Variants in SORCS3 observed in about 807,000 individuals in gnomAD.
The protein encoded by SORCS3 is VPS10 domain-containing receptor SorCS3.
Under a neutral mutation model 146.3 loss-of-function variants are expected in SORCS3, and 57 were observed. The observed-to-expected ratio is 0.39, with a 90% CI of 0.31 to 0.49. The LOEUF is 0.49. Ranked by LOEUF, SORCS3 falls within the 20% of genes least tolerant of loss-of-function variation. SORCS3 has a pLI of 0.92. For synonymous variants in SORCS3, 653 were observed against 618.5 expected (o/e 1.06, Z -0.83); for missense variants, 1,341 against 1,575.5 (o/e 0.85, Z 2.52).
At position 105,214,478 on chromosome 10, in the gene SORCS3, G is replaced by T. The variant is rs1217072153; in HGVS notation, c.2412G>T (p.Gly804=). 1.9e-6 allele frequency: 3 copies of T among 1,614,000 alleles called. No individual in the cohort carries two copies. Among genetic ancestry groups the T allele is most frequent in the African/African-American group, 2.7e-5 (2 of 74,894 alleles). ...RRIVSNNCTD[G]LREKYTAKAQ... is the part of the protein sequence containing the mutation. The stretch of plus-strand genomic sequence containing the variant: ...TTGTGTCCAACAACTGCACAGATGG[G>T]CTAAGGGAGAAGTACACCGCCAAGG... Residue 804 remains glycine, a synonymous_variant, in exon 18 of 27, where the codon GGG becomes GGT. Transcript: ENST00000369701.
At chr10:104,932,432 G>GC (rs1181614343) in intron 3 of SORCS3, among the ~76,000 whole-genome samples, 1 of 152,158 alleles carries the variant, frequency 6.6e-6, no homozygotes, top group Non-Finnish European at 1.5e-5. Context: ...GAGGAAGTAG[G>GC]CTGTACCACA....
Position 104,976,568 on chromosome 10 carries a change from C to A in SORCS3, c.796-767C>A, listed in dbSNP as rs1356605247. On this transcript the variant is annotated intron_variant, in intron 3 of 26. Transcript: ENST00000369701. ...CAGCCATCCCATTACTGGGTATATA[C>A]CCAAAGGACTATAAATCATGCTGCT... 2.0e-5 allele frequency among the ~76,000 whole-genome samples: 3 copies of A among 152,074 alleles called. 1 individual carries two copies. Among genetic ancestry groups the A allele is most frequent in the Admixed American group, 1.3e-4 (2 of 15,264 alleles).
intron 3 of SORCS3, among the ~76,000 whole-genome samples, chr10:104,950,490 T>A (rs985239672): frequency 1.3e-5 from 2 of 152,194 alleles, no homozygotes; most frequent in African/African-American, 2.4e-5. Flanking sequence ...AAATAAGATT[T>A]CTTAGTTTAC....
intron 1 of SORCS3, among the ~76,000 whole-genome samples, chr10:104,721,524 G>A (rs1285539286): frequency 1.3e-5 from 2 of 151,412 alleles, no homozygotes; most frequent in African/African-American, 4.8e-5. Context: ...AAAGTCATTG[G>A]TAGCTTGATG....
intron 1 of SORCS3, among the ~76,000 whole-genome samples, chr10:104,793,354 A>C (rs550614780): frequency 6.6e-6 from 1 of 152,186 alleles, no homozygotes; most frequent in Non-Finnish European, 1.5e-5. Context: ...GAAAGAAAAT[A>C]ATAGAATTTA....
intron 20 of SORCS3, among the ~76,000 whole-genome samples, chr10:105,242,351 C>T (rs1270976825): frequency 2.8e-3 from 257 of 91,442 alleles, no homozygotes; most frequent in Middle Eastern, 0.012. Context: ...TATATTTATA[C>T]ATATATTTAT....
intron 8 of SORCS3, among the ~76,000 whole-genome samples, chr10:105,139,911 A>C (rs1305873061): frequency 6.6e-6 from 1 of 152,176 alleles, no homozygotes; most frequent in Non-Finnish European, 1.5e-5. Context: ...TTTAAGGCTA[A>C]ATAAAAATGT....
intron 7 of SORCS3, among the ~76,000 whole-genome samples, chr10:105,123,246 A>G (rs2055948100): frequency 6.6e-6 from 1 of 152,258 alleles, no homozygotes; most frequent in African/African-American, 2.4e-5. Flanking sequence ...CAGCATAGAA[A>G]GTTTCAAAGC....
intron 2 of SORCS3, among the ~76,000 whole-genome samples, chr10:104,910,281 ATGT>A (rs1191973200): frequency 1.3e-5 from 2 of 152,346 alleles, no homozygotes. Flanking sequence ...CTTGGAGAAG[ATGT>A]TGTAAATAGC....
Position 105,013,183 on chromosome 10 carries a change from C to T in SORCS3, c.955-29872C>T, listed in dbSNP as rs1589593737. Among the ~76,000 whole-genome samples, 4 of 151,996 alleles carry T rather than the reference C, an allele frequency of 2.6e-5. No homozygotes were observed. In the South Asian group the frequency reaches 8.3e-4, roughly 32 times the overall value. On this transcript the variant is annotated intron_variant, in intron 4 of 26. Coordinates refer to ENST00000369701, the MANE Select transcript of SORCS3 (RefSeq NM_014978.3). ...TCATTAATGATTTACAAAAGAAAAACAAGAAAGCAAAACAAAGGAGTAAAC... is the reference window on the plus strand; with the variant it reads ...TCATTAATGATTTACAAAAGAAAAATAAGAAAGCAAAACAAAGGAGTAAAC...
At chr10:104,913,302 C>T (rs12244307) in intron 2 of SORCS3, among the ~76,000 whole-genome samples, 41,954 of 151,972 alleles carry the variant, frequency 0.28, 7,486 homozygotes, top group African/African-American at 0.51. Context: ...GTATGAGCCA[C>T]AGCATTGGTG....
chr10:104,822,926 G>T (rs755153048), intron 1 of SORCS3, among the ~76,000 whole-genome samples: 1 of 152,182 alleles, frequency 6.6e-6, no homozygotes, highest in Non-Finnish European at 1.5e-5. Context: ...GGATGTGGCT[G>T]CCATGGCCCT....
chr10:104,691,237 C>A (rs1292996862), intron 1 of SORCS3, among the ~76,000 whole-genome samples: 1 of 152,194 alleles, frequency 6.6e-6, no homozygotes, highest in Non-Finnish European at 1.5e-5. Flanking sequence ...CAGACTCAGA[C>A]CAGTCCACTG....
intron 6 of SORCS3, among the ~76,000 whole-genome samples, chr10:105,101,972 T>C (rs2055788091): frequency 6.6e-6 from 1 of 152,200 alleles, no homozygotes; most frequent in African/African-American, 2.4e-5. Flanking sequence ...CTAGCAGCAA[T>C]GTGCTCCAAA....
intron 4 of SORCS3, among the ~76,000 whole-genome samples, chr10:105,006,418 C>T (rs1005985818): frequency 1.3e-5 from 2 of 152,134 alleles, no homozygotes; most frequent in African/African-American, 4.8e-5. Flanking sequence ...ACCTTCATCC[C>T]TCTCTCACAT....
rs146574756 is a variant in SORCS3 at position 105,200,022 on chromosome 10, G to A, written c.2033G>A (p.Arg678His). The A allele has an allele frequency of 3.2e-5, 51 of 1,613,374 alleles. No individual in the cohort carries two copies. Among genetic ancestry groups the A allele is most frequent in the South Asian group, 2.5e-4 (23 of 91,062 alleles). Reference sequence around the variant, plus strand: ...AGAGTTTTTGGCCACTTCAGCCTCCGCTCCGAATGGCAATTGGTGAAAGTG... The same window carrying A: ...AGAGTTTTTGGCCACTTCAGCCTCCACTCCGAATGGCAATTGGTGAAAGTG... ...IMTVFGHFSL[R>H]SEWQLVKVDY... The change falls in exon 15 of 27, where the codon CGC (arginine) becomes CAC (histidine). Residue 678 changes from arginine (R) to histidine (H), a missense_variant. Transcript: ENST00000369701.
At chr10:104,799,735 G>A (rs1220002123) in intron 1 of SORCS3, among the ~76,000 whole-genome samples, 1 of 151,962 alleles carries the variant, frequency 6.6e-6, no homozygotes, top group East Asian at 1.9e-4. Flanking sequence ...GAGTGCAGTG[G>A]TGCGATCTTG....
rs369794154 is a variant in SORCS3, at chr10:105,245,594, C to G, written c.2921C>G (p.Thr974Ser). ...SISFTFLAEG[T>S]DTITVQVAAG... ...TCCTTCACATTCCTTGCAGAAGGAA[C>G]CGACACCATCACAGTCCAGGTGGCT... Residue 974 changes from threonine (T) to serine (S), a missense_variant, in exon 21 of 27, where the codon ACC becomes AGC. By Grantham distance (58) the Thr-to-Ser change is moderately conservative (BLOSUM62 1). Coordinates refer to ENST00000369701, the MANE Select transcript of SORCS3 (RefSeq NM_014978.3). 1 of 1,614,012 alleles carries G rather than the reference C, an allele frequency of 6.2e-7. No individual in the cohort carries two copies. Among genetic ancestry groups the G allele is most frequent in the Non-Finnish European group, 8.5e-7 (1 of 1,180,016 alleles).
intron 7 of SORCS3, among the ~76,000 whole-genome samples, chr10:105,135,145 G>A (rs4918147): frequency 0.52 from 78,707 of 151,968 alleles, 20,651 homozygotes; most frequent in Admixed American, 0.55. Flanking sequence ...CACCTTCCAG[G>A]CCATGGGGTG....
Sources: allele counts gnomAD v4.1 joint callset (sites outside exome capture counted in the v4.1 genomes callset), GRCh38; gene constraint gnomAD v4.1.1; transcripts MANE v1.5; gene names NCBI Gene and HGNC (gene_info 2026-07-23, HGNC 2026-07-21).